SFI1: variants seen among roughly 807,000 people sequenced by gnomAD.
The protein encoded by SFI1 is SFI1 centrin binding protein.
SFI1 carries 195 observed loss-of-function variants against 207.5 expected under a neutral mutation model. The observed-to-expected ratio is 0.94, with a 90% confidence interval of 0.84 to 1.06. SFI1 has a LOEUF of 1.06. SFI1 is among the 50% of genes least tolerant of loss of function. SFI1 has a pLI of 0.00. For synonymous variants in SFI1, 630 were observed against 598.9 expected (o/e 1.05, Z -0.76); for missense variants, 1,634 against 1,588.0 (o/e 1.03, Z -0.49).
intron 6 of SFI1, among the ~76,000 whole-genome samples, chr22:31,553,127 G>A (rs770127780): frequency 1.5e-4 from 23 of 152,126 alleles, no homozygotes; most frequent in Non-Finnish European, 2.5e-4. Context: ...ACAAGCATAA[G>A]CCACTGCACC....
intron 4 of SFI1, among the ~76,000 whole-genome samples, chr22:31,539,748 C>G (rs2059309597): frequency 6.6e-6 from 1 of 151,698 alleles, no homozygotes; most frequent in Non-Finnish European, 1.5e-5. Flanking sequence ...GACAGGGTCT[C>G]ACTCTTGCCT....
Position 31,602,653 on chromosome 22 carries a change from T to C in SFI1, c.1673T>C (p.Met558Thr), listed in dbSNP as rs1180857893. Reference sequence around the variant, plus strand: ...CAGCTTCTGTATAGGTCTTGGTTCATGTGGCACCAGCAGGCAGCAGCACGT... The same window carrying C: ...CAGCTTCTGTATAGGTCTTGGTTCACGTGGCACCAGCAGGCAGCAGCACGT... ...ERQLLYRSWF[M>T]WHQQAAARHQ... Residue 558 changes from methionine to threonine, a missense_variant, in exon 17 of 33, where the codon ATG becomes ACG. Transcript: ENST00000400288. The C allele has an allele frequency of 1.2e-5, 19 of 1,614,098 alleles. No homozygotes were observed. Among genetic ancestry groups the C allele is most frequent in the Non-Finnish European group, 1.5e-5 (18 of 1,180,054 alleles).
chr22:31,534,897 C>T (rs1428656105), intron 4 of SFI1, among the ~76,000 whole-genome samples: 13 of 149,968 alleles, frequency 8.7e-5, no homozygotes, highest in African/African-American at 2.5e-4. Context: ...TTCCTGAGAC[C>T]GCATCTCACC....
Position 31,611,828 on chromosome 22 carries a change from G to C in SFI1, c.2478G>C (p.Gln826His). Residue 826 changes from glutamine (Q) to histidine (H), a missense_variant, in exon 24 of 33, where the codon CAG becomes CAC. Gln to His is a conservative substitution (Grantham distance 24, BLOSUM62 0). Coordinates refer to ENST00000400288, the MANE Select transcript of SFI1 (RefSeq NM_001007467.3). ...GACTCAGCCGGACCTGCTTCCGCCA[G>C]TGGAGACAACAGGTGGGAACCCAGG... ...AQRLSRTCFR[Q>H]WRQQLAARRQ... The C allele has an allele frequency of 6.2e-7, 1 of 1,613,960 alleles. No homozygotes were observed. The highest frequency in any genetic ancestry group is 8.5e-7 in the Non-Finnish European group (1 of 1,179,956).
chr22:31,616,789 C>T lies in SFI1; in HGVS notation c.3345C>T (p.Pro1115=), dbSNP rs2071599735. The change falls in exon 30 of 33, where the codon CCC becomes CCT. Residue 1115 remains proline (P), a synonymous_variant. Coordinates refer to ENST00000400288, the MANE Select transcript of SFI1 (RefSeq NM_001007467.3). ...CTCCTAGGGATAAGCCCCCGGTCCC[C>T]TCATCCCTGGCCAGTGTCCCTGACC... ...RATPRDKPPV[P]SSLASVPDPH... 1 of 1,606,526 alleles carries T rather than the reference C, an allele frequency of 6.2e-7. No individual in the cohort carries two copies. Among genetic ancestry groups the T allele is most frequent in the Non-Finnish European group, 8.5e-7 (1 of 1,176,682 alleles).
chr22:31,562,453 A>G (rs897557130), intron 8 of SFI1, among the ~76,000 whole-genome samples: 3 of 151,810 alleles, frequency 2.0e-5, no homozygotes, highest in Admixed American at 6.6e-5. Flanking sequence ...AAAAAAAAAA[A>G]AAGAAGTAGA....
At chr22:31,542,757 G>A (rs931590125) in intron 4 of SFI1, among the ~76,000 whole-genome samples, 4 of 150,110 alleles carry the variant, frequency 2.7e-5, no homozygotes, top group Admixed American at 1.3e-4. Context: ...CACCTCCTGG[G>A]TTCAAGCAAT....
At chr22:31,505,233 G>GT (rs911091352) in intron 1 of SFI1, among the ~76,000 whole-genome samples, 2 of 152,082 alleles carry the variant, frequency 1.3e-5, no homozygotes, top group Non-Finnish European at 2.9e-5. Context: ...AAGGTCAGGA[G>GT]TTTAAGACCA....
chr22:31,527,987 G>T lies in SFI1; in HGVS notation c.93-703G>T, dbSNP rs560623653. On this transcript the variant is annotated intron_variant, in intron 2 of 32. Coordinates refer to ENST00000400288, the MANE Select transcript of SFI1 (RefSeq NM_001007467.3). ...AACTTAGCTGGGCACGGTAGTGGGT[G>T]CCTGTAGTCCCAGCTACTAGGGAGG... Among the ~76,000 whole-genome samples the T allele has an allele frequency of 2.0e-5, 3 of 152,168 alleles. No homozygotes were observed. In the East Asian group the frequency reaches 5.8e-4, roughly 29 times the overall value.
chr22:31,613,633 G>A lies in SFI1; in HGVS notation c.2774G>A (p.Arg925His), dbSNP rs1256913842. 36 of 1,595,388 alleles carry A rather than the reference G, an allele frequency of 2.3e-5. No individual in the cohort carries two copies. Among genetic ancestry groups the A allele is most frequent in the Admixed American group, 8.4e-5 (5 of 59,210 alleles). ...AAHSLHRAVR[R>H]CATLWKQKVL... is the part of the protein sequence containing the mutation. ...CACAGTCTCCATCGTGCCGTCCGCC[G>A]CTGTGCCACGCTCTGGAAACAGAAA... Residue 925 changes from arginine to histidine, a missense_variant, in exon 27 of 33, where the codon CGC becomes CAC. Coordinates refer to ENST00000400288, the MANE Select transcript of SFI1 (RefSeq NM_001007467.3).
intron 3 of SFI1, chr22:31,530,553 G>A (rs776950269): frequency 1.7e-5 from 8 of 466,064 alleles, no homozygotes; most frequent in Middle Eastern, 3.3e-4. Context: ...ACTGTGCTAG[G>A]TACTGGAGGT....
chr22:31,617,160 C>T lies in SFI1; in HGVS notation c.3512+82C>T, dbSNP rs1339887985. ...AGGTGGGCAGGCAGTTCCATTTCCC[C>T]CGAGCCAGCTGCCAGGGTCCTGTAG... is the stretch of plus-strand genomic sequence containing the variant. On this transcript the variant is annotated intron_variant, in intron 31 of 32. Transcript: ENST00000400288. 4 of 1,480,256 alleles carry T rather than the reference C, an allele frequency of 2.7e-6. No homozygotes were observed. The South Asian group carries it at 3.5e-5, about 13-fold the overall frequency. 91.7% of individuals were successfully genotyped at this position (1,480,256 alleles called of 1,614,324 possible).
At chr22:31,553,814 T>A (rs9621279) in intron 6 of SFI1, among the ~76,000 whole-genome samples, 48,874 of 143,042 alleles carry the variant, frequency 0.34, 9,377 homozygotes, top group African/African-American at 0.48. Context: ...ATGAAGTCCA[T>A]TCTATTTTTT....
At chr22:31,565,375 G>T (rs1483260118) in intron 8 of SFI1, among the ~76,000 whole-genome samples, 1 of 151,904 alleles carries the variant, frequency 6.6e-6, no homozygotes, top group Non-Finnish European at 1.5e-5. Flanking sequence ...TTTGAGGCTA[G>T]CCTGGGCAAT....
At chr22:31,604,764 G>T in intron 19 of SFI1, 105 bp from the exon 20 acceptor site, 2 of 1,045,402 alleles carry the variant, frequency 1.9e-6, no homozygotes, top group Admixed American at 5.3e-5. Context: ...CCCTTTTTGA[G>T]TTCTCTGGGC....
At chr22:31,536,185 G>A (rs2058979288) in intron 4 of SFI1, among the ~76,000 whole-genome samples, 1 of 152,038 alleles carries the variant, frequency 6.6e-6, no homozygotes, top group South Asian at 2.1e-4. Flanking sequence ...ATTCCCTAGG[G>A]GCTGGACTGC....
chr22:31,522,769 C>T (rs1376428831), intron 2 of SFI1, among the ~76,000 whole-genome samples: 1 of 152,096 alleles, frequency 6.6e-6, no homozygotes, highest in East Asian at 1.9e-4. Context: ...GATTCTCTTG[C>T]CTCAGCCTCC....
Position 31,531,103 on chromosome 22 carries a change from TG to T in SFI1, c.314del (p.Gly105GlufsTer52). The T allele has an allele frequency of 6.2e-7, 1 of 1,613,738 alleles. No individual in the cohort carries two copies. The highest frequency in any genetic ancestry group is 1.1e-5 in the South Asian group (1 of 90,984). ...TATATTTATGGATTCGAATGACTTT[TG>T]GAAGAGTATTTCCCTCTAAAGCCAG... The part of the protein sequence containing the change: ...FLYLWIRMTF[G>X]RVFPSKARFY... On this transcript the variant is annotated frameshift_variant, in exon 4 of 33. Coordinates refer to ENST00000400288, the MANE Select transcript of SFI1 (RefSeq NM_001007467.3). LOFTEE classifies it high-confidence loss of function.
At chr22:31,548,346 G>C (rs549912491) in intron 5 of SFI1, among the ~76,000 whole-genome samples, 6 of 151,920 alleles carry the variant, frequency 3.9e-5, no homozygotes, top group Admixed American at 6.6e-5. Context: ...GAGGCGGGTG[G>C]ATCACTTGAC....
Sources: allele counts gnomAD v4.1 joint callset (sites outside exome capture counted in the v4.1 genomes callset), GRCh38; gene constraint gnomAD v4.1.1; transcripts MANE v1.5; gene names NCBI Gene and HGNC (gene_info 2026-07-23, HGNC 2026-07-21).